Variants in NRCAM observed in about 807,000 individuals in gnomAD.
The protein encoded by NRCAM is NgCAM-related cell adhesion molecule.
A neutral mutation model predicts 156.5 loss-of-function variants in NRCAM; 83 were observed. The observed-to-expected ratio is 0.53, with a 90% confidence interval of 0.44 to 0.64. The LOEUF is 0.64. NRCAM is among the 30% of genes least tolerant of loss of function. NRCAM has a pLI of 0.00. For synonymous variants in NRCAM, 538 were observed against 563.9 expected (o/e 0.95, Z 0.65); for missense variants, 1,417 against 1,597.3 (o/e 0.89, Z 1.92).
intron 13 of NRCAM, among the ~76,000 whole-genome samples, chr7:108,200,090 A>G (rs2077168465): frequency 6.6e-6 from 1 of 152,226 alleles, no homozygotes; most frequent in Non-Finnish European, 1.5e-5. Flanking sequence ...CACTCTGATT[A>G]CCATCAGTAA....
chr7:108,224,535 C>G (rs1399326235), intron 10 of NRCAM, among the ~76,000 whole-genome samples: 2 of 152,054 alleles, frequency 1.3e-5, no homozygotes, highest in Non-Finnish European at 2.9e-5. Context: ...TTATGGAGGC[C>G]TTTCCAAAAC....
chr7:108,264,347 T>C (rs80343182), intron 3 of NRCAM, among the ~76,000 whole-genome samples: 5 of 152,234 alleles, frequency 3.3e-5, no homozygotes, highest in Non-Finnish European at 5.9e-5. Context: ...TAATGCTGCA[T>C]TATTTTATTT....
intron 3 of NRCAM, among the ~76,000 whole-genome samples, chr7:108,254,221 A>G (rs1276517274): frequency 1.3e-5 from 2 of 152,386 alleles, no homozygotes; most frequent in Non-Finnish European, 1.5e-5. Flanking sequence ...TACAAATCAT[A>G]TATCTAATAA....
intron 24 of NRCAM, among the ~76,000 whole-genome samples, chr7:108,181,354 C>T (rs944437863): frequency 5.9e-5 from 9 of 151,984 alleles, no homozygotes; most frequent in Non-Finnish European, 1.3e-4. Context: ...TCTTTCAGTA[C>T]TTCTCAAGAA....
rs773133428 is a variant in NRCAM at position 108,182,920 on chromosome 7, G to T, written c.2305C>A (p.Pro769Thr). Reference protein sequence around the residue: ...EPDNLVITWKPLNGFESNGPG... With the variant: ...EPDNLVITWKTLNGFESNGPG... ...CCATTAGATTCGAAACCATTCAAGG[G>T]CTACAAGGAAAGCCAAATAACCAGA... The change falls in exon 23 of 33, where the codon CCC becomes ACC. Residue 769 changes from proline (P) to threonine (T), a missense_variant and splice_region_variant. Transcript: ENST00000379028. The T allele has an allele frequency of 6.2e-7, 1 of 1,613,606 alleles. No homozygotes were observed. Among genetic ancestry groups the T allele is most frequent in the South Asian group, 1.1e-5 (1 of 91,052 alleles).
chr7:108,217,000 G>A (rs2089443686), intron 11 of NRCAM, among the ~76,000 whole-genome samples: 1 of 152,070 alleles, frequency 6.6e-6, no homozygotes, highest in African/African-American at 2.4e-5. Flanking sequence ...AGGCATTCTC[G>A]TTTTTGGAAC....
At chr7:108,442,176 C>A (rs1011083823) in intron 1 of NRCAM, among the ~76,000 whole-genome samples, 4 of 152,064 alleles carry the variant, frequency 2.6e-5, no homozygotes, top group African/African-American at 9.7e-5. Context: ...ATGGAGGTGG[C>A]TGAGGTGGTA....
chr7:108,434,311 T>G (rs1829476643), intron 1 of NRCAM, among the ~76,000 whole-genome samples: 1 of 152,200 alleles, frequency 6.6e-6, no homozygotes, highest in South Asian at 2.1e-4. Context: ...AAGTTTTTAC[T>G]GGAAAGCAAA....
chr7:108,366,123 C>A (rs1178190788), intron 2 of NRCAM, among the ~76,000 whole-genome samples: 3 of 152,152 alleles, frequency 2.0e-5, no homozygotes, highest in African/African-American at 7.2e-5. Flanking sequence ...CAGAAAGTAA[C>A]CCTCACCAGT....
chr7:108,152,584 G>A (rs1030952036), intron 32 of NRCAM, among the ~76,000 whole-genome samples: 11 of 152,052 alleles, frequency 7.2e-5, no homozygotes, highest in Admixed American at 3.3e-4. Flanking sequence ...TATTTTAAAA[G>A]CACTACTCTG....
intron 1 of NRCAM, among the ~76,000 whole-genome samples, chr7:108,432,466 A>T (rs1433756195): frequency 6.6e-6 from 1 of 152,240 alleles, no homozygotes; most frequent in Non-Finnish European, 1.5e-5. Flanking sequence ...GGAACAATGG[A>T]GGATTCTCAA....
At chr7:108,180,663 G>T (rs1181243016) in intron 24 of NRCAM, among the ~76,000 whole-genome samples, 20 of 152,206 alleles carry the variant, frequency 1.3e-4, no homozygotes, top group Admixed American at 1.3e-3. Flanking sequence ...TTTGTCGTAG[G>T]AGTCTAAGGA....
chr7:108,444,880 GAC>G, intron 1 of NRCAM, among the ~76,000 whole-genome samples: 1 of 152,142 alleles, frequency 6.6e-6, no homozygotes, highest in South Asian at 2.1e-4. Flanking sequence ...ATTCTGTGTC[GAC>G]AGAGTCCAGG....
At chr7:108,426,584 A>C (rs1817557771) in intron 1 of NRCAM, among the ~76,000 whole-genome samples, 1 of 152,140 alleles carries the variant, frequency 6.6e-6, no homozygotes, top group South Asian at 2.1e-4. Context: ...GGGGTGAAAA[A>C]CCAGCTACAT....
At chr7:108,225,751 G>A in intron 9 of NRCAM, 50 bp from the exon 10 acceptor site, 1 of 1,145,088 alleles carries the variant, frequency 8.7e-7, no homozygotes, top group Non-Finnish European at 1.3e-6. Context: ...GGGGAGAAGG[G>A]TCAAAAAGTA....
chr7:108,369,726 A>T (rs1002590829), intron 2 of NRCAM, among the ~76,000 whole-genome samples: 3 of 152,152 alleles, frequency 2.0e-5, no homozygotes, highest in Non-Finnish European at 1.5e-5. Flanking sequence ...ATCCATCTTT[A>T]AATTCTCCCA....
chr7:108,329,727 C>A (rs1465158406), intron 2 of NRCAM, among the ~76,000 whole-genome samples: 1 of 152,106 alleles, frequency 6.6e-6, no homozygotes, highest in Admixed American at 6.6e-5. Flanking sequence ...TCCTTCAAAG[C>A]GTATTGTCAG....
At chr7:108,223,211 G>A (rs2092770941) in intron 11 of NRCAM, among the ~76,000 whole-genome samples, 1 of 152,094 alleles carries the variant, frequency 6.6e-6, no homozygotes, top group Non-Finnish European at 1.5e-5. Flanking sequence ...GACCCCAAGA[G>A]CACTGCTGAG....
rs780316566 is a variant in NRCAM, at chr7:108,234,654, T to G, written c.159A>C (p.Pro53=). The G allele has an allele frequency of 4.3e-6, 7 of 1,612,998 alleles. No individual in the cohort carries two copies. The South Asian group carries it at 7.7e-5, about 18-fold the overall frequency. The change falls in exon 6 of 33, where the codon CCA becomes CCC. Residue 53 remains proline, a synonymous_variant. Coordinates refer to ENST00000379028, the MANE Select transcript of NRCAM (RefSeq NM_001037132.4). ...CCCGAGGGTCAATAATGTAATCTTT[T>G]GGAGACTGTTGGGTGATGGTTGGAG... ...VQPPTITQQS[P]KDYIIDPREN...
Sources: allele counts gnomAD v4.1 joint callset (sites outside exome capture counted in the v4.1 genomes callset), GRCh38; gene constraint gnomAD v4.1.1; transcripts MANE v1.5; gene names NCBI Gene and HGNC (gene_info 2026-07-23, HGNC 2026-07-21).